Variants in ADAM9 observed in about 807,000 individuals in gnomAD.
ADAM9 encodes ADAM metallopeptidase domain 9.
In ADAM9, 54 loss-of-function variants were observed where a neutral mutation model predicts 108.1. The observed-to-expected ratio is 0.50, with a 90% CI of 0.40 to 0.63. The LOEUF is 0.63. Ranked by LOEUF, ADAM9 falls within the 20% of genes least tolerant of loss-of-function variation. ADAM9 has a pLI of 0.00. For synonymous variants in ADAM9, 316 were observed against 336.0 expected, an observed-to-expected ratio of 0.94 and a Z score of 0.65; for missense variants, 830 against 997.7, an observed-to-expected ratio of 0.83 and a Z score of 2.26.
At chr8:39,082,254 G>T (rs887891483) in intron 16 of ADAM9, among the ~76,000 whole-genome samples, 1 of 152,104 alleles carries the variant, frequency 6.6e-6, no homozygotes, top group Non-Finnish European at 1.5e-5. Context: ...TATGAGAGGT[G>T]TAATAGAAAT....
chr8:39,012,087 G>A (rs551690429), intron 3 of ADAM9, among the ~76,000 whole-genome samples: 1 of 152,264 alleles, frequency 6.6e-6, no homozygotes, highest in South Asian at 2.1e-4. Context: ...TTTAATAAAG[G>A]TAAAGGATAT....
At chr8:38,997,283 G>C in intron 1 of ADAM9, 123 bp downstream of exon 1, 1 of 1,170,340 alleles carries the variant, frequency 8.5e-7, no homozygotes, top group Admixed American at 2.1e-5. Flanking sequence ...GGGTCGGGGG[G>C]CGCGGCCGCT....
chr8:39,104,195 A>G lies in ADAM9; in HGVS notation c.*495A>G. 1 of 454,074 alleles carries G rather than the reference A, an allele frequency of 2.2e-6. No individual in the cohort carries two copies. The highest frequency in any genetic ancestry group is 1.6e-5 in the South Asian group (1 of 64,452). The allele number at this position is 454,074 out of a possible 1,614,324, so 28.1% of individuals were successfully genotyped here. A position where few individuals can be genotyped will look rare whatever the true frequency, so the allele number is the denominator to read the frequency against. ...TCATGCACGAATTAATAATCATCAT[A>G]CTCTAGAATCTTGTCTGTCACTCAC... On this transcript the variant is annotated 3_prime_UTR_variant, in exon 22 of 22. Coordinates refer to ENST00000487273, the MANE Select transcript of ADAM9 (RefSeq NM_003816.3).
intron 14 of ADAM9, among the ~76,000 whole-genome samples, chr8:39,056,359 AT>A (rs1838124088): frequency 7.0e-6 from 1 of 142,472 alleles, no homozygotes; most frequent in African/African-American, 2.5e-5. Flanking sequence ...TTTGGCTAAG[AT>A]TTTTGTTAAC....
In ADAM9 at chr8:39,039,950, T is replaced by G. The variant is rs796292686; in HGVS notation, c.1131-1996T>G. 2.4e-4 allele frequency among the ~76,000 whole-genome samples: 37 copies of G among 152,330 alleles called. 1 individual carries two copies. Among genetic ancestry groups the G allele is most frequent in the African/African-American group, 8.9e-4 (37 of 41,578 alleles). On this transcript the variant is annotated intron_variant, in intron 11 of 21. Transcript: ENST00000487273. Reference sequence around the variant, plus strand: ...GTTTTTAATTTCTTTAGGGAACTCCTATTGTTTTCCACAGTGGCTGCACCA... The same window carrying G: ...GTTTTTAATTTCTTTAGGGAACTCCGATTGTTTTCCACAGTGGCTGCACCA...
At chr8:39,000,636 CT>C (rs564178773) in intron 1 of ADAM9, among the ~76,000 whole-genome samples, 58 of 151,592 alleles carry the variant, frequency 3.8e-4, no homozygotes, top group African/African-American at 1.4e-3. Context: ...TAATTAAAAA[CT>C]TTTTTTGTGT....
At chr8:39,006,117 G>C (rs1454955504) in intron 1 of ADAM9, among the ~76,000 whole-genome samples, 1 of 151,792 alleles carries the variant, frequency 6.6e-6, no homozygotes, top group Non-Finnish European at 1.5e-5. Context: ...TATGTGGCCA[G>C]TTTTCTCAAG....
intron 12 of ADAM9, among the ~76,000 whole-genome samples, chr8:39,045,403 T>TATATGTACGTGTGTACACACAC: frequency 6.8e-6 from 1 of 146,536 alleles, no homozygotes. Flanking sequence ...TACACACACC[T>TATATGTACGTGTGTACACACAC]ATATGTGCGC....
At chr8:39,054,345 A>G in intron 12 of ADAM9, 136 bp from the exon 13 acceptor site, 1 of 743,062 alleles carries the variant, frequency 1.3e-6, no homozygotes, top group Non-Finnish European at 2.3e-6. Flanking sequence ...CAGAAACAGT[A>G]AGCAACTGTT....
intron 10 of ADAM9, among the ~76,000 whole-genome samples, chr8:39,026,398 T>C (rs992654817): frequency 6.6e-6 from 1 of 152,232 alleles, no homozygotes; most frequent in East Asian, 1.9e-4. Context: ...AGAATTAAAT[T>C]AGAACCATTA....
intron 14 of ADAM9, among the ~76,000 whole-genome samples, chr8:39,066,465 C>A (rs910565320): frequency 6.6e-6 from 1 of 152,226 alleles, no homozygotes; most frequent in Non-Finnish European, 1.5e-5. Context: ...GAGATGGTAT[C>A]TCATTGTGGT....
intron 20 of ADAM9, among the ~76,000 whole-genome samples, chr8:39,100,807 G>A (rs1445502056): frequency 1.3e-5 from 2 of 152,130 alleles, no homozygotes; most frequent in Non-Finnish European, 2.9e-5. Context: ...AGAACATCTT[G>A]GTCAAGGTCA....
intron 14 of ADAM9, among the ~76,000 whole-genome samples, chr8:39,070,510 T>C (rs940486502): frequency 6.6e-6 from 1 of 152,188 alleles, no homozygotes; most frequent in African/African-American, 2.4e-5. Flanking sequence ...ACTTTGCCAA[T>C]TGAATAGCCA....
chr8:39,101,496 G>C (rs1839692374), intron 20 of ADAM9, among the ~76,000 whole-genome samples: 1 of 152,150 alleles, frequency 6.6e-6, no homozygotes, highest in African/African-American at 2.4e-5. Context: ...CCACATGAGG[G>C]GCTGAGAGAG....
At chr8:39,011,095 A>C (rs1836341589) in intron 2 of ADAM9, among the ~76,000 whole-genome samples, 1 of 150,738 alleles carries the variant, frequency 6.6e-6, no homozygotes, top group Non-Finnish European at 1.5e-5. Context: ...TCCATCTCAA[A>C]AAAAAAAAAA....
At chr8:39,057,365 T>C (rs1381648432) in intron 14 of ADAM9, among the ~76,000 whole-genome samples, 1 of 148,532 alleles carries the variant, frequency 6.7e-6, no homozygotes, top group Admixed American at 6.8e-5. Flanking sequence ...TTACATATAA[T>C]ATATTAAATA....
chr8:39,028,414 T>G (rs1381380061), intron 11 of ADAM9, among the ~76,000 whole-genome samples: 1 of 152,232 alleles, frequency 6.6e-6, no homozygotes, highest in Non-Finnish European at 1.5e-5. Context: ...GTAAAAGATT[T>G]CCTGTAGGAG....
At chr8:39,000,138 C>G (rs1013044554) in intron 1 of ADAM9, among the ~76,000 whole-genome samples, 2 of 151,972 alleles carry the variant, frequency 1.3e-5, no homozygotes, top group African/African-American at 4.8e-5. Flanking sequence ...AATTCTCCTG[C>G]CTCAGCCTTA....
At position 39,012,352 on chromosome 8, in the gene ADAM9, T is replaced by C. The variant is rs140569477; in HGVS notation, c.254+636T>C. Among the ~76,000 whole-genome samples, 536 of 152,340 alleles carry C rather than the reference T, an allele frequency of 3.5e-3. 6 individuals are homozygous for C. The highest frequency in any genetic ancestry group is 0.031 in the Middle Eastern group (9 of 294). On this transcript the variant is annotated intron_variant, in intron 3 of 21. Transcript: ENST00000487273. Reference sequence around the variant, plus strand: ...TCCATTTATTCATCTCTAGTCAATATAGACAGGCTGTCAACCATTGTGGAA... The same window carrying C: ...TCCATTTATTCATCTCTAGTCAATACAGACAGGCTGTCAACCATTGTGGAA...
Sources: gnomAD v4.1 joint callset for allele counts (sites outside exome capture counted in the v4.1 genomes callset) on GRCh38, gnomAD v4.1.1 for gene constraint, MANE v1.5 for transcripts, NCBI Gene and HGNC (gene_info 2026-07-23, HGNC 2026-07-21) for gene names.